The following AP1B1 variants were observed in gnomAD, a reference collection of about 807,000 sequenced individuals.
AP1B1 encodes the protein adaptor related protein complex 1 subunit beta 1.
AP1B1 carries 36 observed loss-of-function variants against 104.3 expected under a neutral mutation model. The observed-to-expected ratio is 0.35, with a 90% confidence interval of 0.26 to 0.46. The LOEUF is 0.46. Among genes scored for constraint, AP1B1 ranks in the 20% least tolerant of loss-of-function variants. AP1B1 has a pLI of 1.00. For missense variants in AP1B1, 901 were observed against 1,247.9 expected, an observed-to-expected ratio of 0.72 and a Z score of 4.19; for synonymous variants, 504 against 517.5, an observed-to-expected ratio of 0.97 and a Z score of 0.35.
intron 2 of AP1B1, among the ~76,000 whole-genome samples, chr22:29,364,745 G>A (rs1266727423): frequency 1.3e-5 from 2 of 148,264 alleles, no homozygotes; most frequent in African/African-American, 2.5e-5. Context: ...GTCTCACTCT[G>A]TCACCCAGGC....
At chr22:29,377,678 C>T (rs958207635) in intron 1 of AP1B1, among the ~76,000 whole-genome samples, 11 of 151,692 alleles carry the variant, frequency 7.3e-5, no homozygotes, top group Non-Finnish European at 1.2e-4. Flanking sequence ...GGCATGGTGG[C>T]GGGCGCCTGT....
chr22:29,337,279 C>A (rs1167710007), intron 16 of AP1B1, among the ~76,000 whole-genome samples: 2 of 152,182 alleles, frequency 1.3e-5, no homozygotes, highest in African/African-American at 4.8e-5. Context: ...GGAGGAAGAG[C>A]CACAAAGGGC....
At chr22:29,329,165 G>A (rs142709344) in intron 22 of AP1B1, 63 of 1,289,062 alleles carry the variant, frequency 4.9e-5, no homozygotes, top group Non-Finnish European at 5.9e-5. Context: ...GTCACGAGCC[G>A]GAGGCTGCCA....
Position 29,329,706 on chromosome 22 carries a change from G to C in AP1B1, c.2775+6C>G. 1 of 1,613,656 alleles carries C rather than the reference G, an allele frequency of 6.2e-7. No individual in the cohort carries two copies. Among genetic ancestry groups the C allele is most frequent in the Non-Finnish European group, 8.5e-7 (1 of 1,179,738 alleles). The stretch of plus-strand genomic sequence containing the variant: ...CGGACGGGGAAAGAGAAAGCGATCT[G>C]CTAACCTCTAAGTCCTGCACCACGG... On this transcript the variant is annotated splice_donor_region_variant and intron_variant, in intron 22 of 22. Transcript: ENST00000357586.
At chr22:29,340,938 TC>T (rs1162224795) in intron 13 of AP1B1, 81 bp from the exon 14 acceptor site, 3 of 1,421,962 alleles carry the variant, frequency 2.1e-6, no homozygotes, top group Non-Finnish European at 2.9e-6. Flanking sequence ...GGCAGAGCTG[TC>T]CCCCAGGACA....
rs941867677 is a variant in AP1B1 at position 29,351,473 on chromosome 22, T to G, written c.1060-207A>C. 2.3e-5 allele frequency: 19 copies of G among 822,074 alleles called. 1 individual carries two copies. The highest frequency in any genetic ancestry group is 3.7e-5 in the Non-Finnish European group (19 of 519,248). 50.9% of individuals were successfully genotyped at this position (822,074 alleles called of 1,614,324 possible). A position where few individuals can be genotyped will look rare whatever the true frequency, so the allele number is the denominator to read the frequency against. ...TTGTTTGGGGTTGATTTAGCTAACA[T>G]ATCCAACACCACGTTGTAAGGGATG... On this transcript the variant is annotated intron_variant, in intron 8 of 22. Coordinates refer to ENST00000357586, the MANE Select transcript of AP1B1 (RefSeq NM_001127.4).
rs149122125 is a variant in AP1B1 at position 29,348,334 on chromosome 22, C to T, written c.1437+884G>A. Among the ~76,000 whole-genome samples the T allele has an allele frequency of 2.2e-3, 332 of 152,354 alleles. 1 individual carries two copies. The highest frequency in any genetic ancestry group is 4.0e-3 in the Non-Finnish European group (271 of 68,030). ...TGTAAACAAGCATCCTTTCCACCAC[C>T]TATTTAGTGCCATGTTTTTCACATT... On this transcript the variant is annotated intron_variant, in intron 11 of 22. Transcript: ENST00000357586.
chr22:29,367,089 T>A, intron 2 of AP1B1, 118 bp downstream of exon 2: 4 of 860,468 alleles, frequency 4.6e-6, no homozygotes, highest in Non-Finnish European at 7.8e-6. Flanking sequence ...TCTAGGCCAT[T>A]CCTGCCACAT....
intron 1 of AP1B1, among the ~76,000 whole-genome samples, chr22:29,376,058 C>T (rs1011896099): frequency 2.0e-5 from 3 of 152,012 alleles, no homozygotes; most frequent in Non-Finnish European, 2.9e-5. Flanking sequence ...GTGTCAAACA[C>T]GAGGAAGTAG....
At chr22:29,331,943 T>C in intron 17 of AP1B1, 27 bp from the exon 18 acceptor site, 1 of 1,591,682 alleles carries the variant, frequency 6.3e-7, no homozygotes, top group Non-Finnish European at 8.5e-7. Flanking sequence ...CCCACAGGGA[T>C]GGCAGGGGGA....
At chr22:29,350,707 C>T (rs972799130) in intron 9 of AP1B1, among the ~76,000 whole-genome samples, 1 of 152,092 alleles carries the variant, frequency 6.6e-6, no homozygotes, top group African/African-American at 2.4e-5. Flanking sequence ...GCTTAGTGGT[C>T]GAGGAACATC....
chr22:29,338,728 C>T (rs528110710), intron 16 of AP1B1, among the ~76,000 whole-genome samples: 1 of 152,328 alleles, frequency 6.6e-6, no homozygotes, highest in African/African-American at 2.4e-5. Context: ...CCCTCCAGGC[C>T]TTACCACAGA....
intron 4 of AP1B1, 146 bp from the exon 5 acceptor site, chr22:29,359,117 A>G (rs1427981815): frequency 1.0e-5 from 8 of 796,834 alleles, no homozygotes; most frequent in Admixed American, 5.5e-5. Flanking sequence ...AGCCAACAAC[A>G]GCAAAAGTAA....
chr22:29,353,578 C>G (rs2061910567), intron 7 of AP1B1, among the ~76,000 whole-genome samples: 1 of 152,182 alleles, frequency 6.6e-6, no homozygotes, highest in Admixed American at 6.5e-5. Context: ...AGTTTCATCC[C>G]TTGGTTTAGG....
At chr22:29,341,392 C>G in intron 13 of AP1B1, 109 bp downstream of exon 13, 1 of 1,411,892 alleles carries the variant, frequency 7.1e-7, no homozygotes, top group Admixed American at 2.2e-5. Context: ...GTCAGTTTTC[C>G]TCAGACTCAG....
intron 11 of AP1B1, among the ~76,000 whole-genome samples, chr22:29,344,026 C>G (rs951867715): frequency 3.0e-4 from 45 of 151,052 alleles, no homozygotes; most frequent in South Asian, 1.2e-3. Flanking sequence ...AGGACAATTG[C>G]TTGAACCCGG....
chr22:29,356,757 A>G (rs1166284666), intron 5 of AP1B1, 141 bp from the exon 6 acceptor site: 1 of 763,036 alleles, frequency 1.3e-6, no homozygotes, highest in East Asian at 2.7e-5. Context: ...AGCTGCAACG[A>G]GACCCACTCC....
chr22:29,367,656 C>T (rs1483468955), intron 1 of AP1B1, among the ~76,000 whole-genome samples: 1 of 151,874 alleles, frequency 6.6e-6, no homozygotes, highest in Non-Finnish European at 1.5e-5. Flanking sequence ...AATATCTGCA[C>T]AAGGATGGAT....
intron 21 of AP1B1, 147 bp downstream of exon 21, chr22:29,330,231 T>C: frequency 6.7e-7 from 1 of 1,485,714 alleles, no homozygotes; most frequent in South Asian, 1.3e-5. Flanking sequence ...GGAAGCTTTC[T>C]AGAAAGGTCC....
Sources: gnomAD v4.1 joint callset for allele counts (sites outside exome capture counted in the v4.1 genomes callset) on GRCh38, gnomAD v4.1.1 for gene constraint, MANE v1.5 for transcripts, NCBI Gene and HGNC (gene_info 2026-07-23, HGNC 2026-07-21) for gene names.